The following BCL2L11 variants were observed in gnomAD, a reference collection of about 807,000 sequenced individuals.
BCL2L11 encodes bcl-2-like protein 11.
In BCL2L11, 15 loss-of-function variants were observed where a neutral mutation model predicts 20.6. That is an observed-to-expected ratio of 0.73 (90% CI 0.49 to 1.12). The LOEUF is 1.12. BCL2L11 is among the 50% of genes most tolerant of loss of function. The pLI, the probability that BCL2L11 is intolerant of heterozygous loss-of-function variation, is 0.00. For synonymous variants in BCL2L11, 108 were observed against 92.8 expected (o/e 1.16, Z -0.94); for missense variants, 292 against 260.9 (o/e 1.12, Z -0.82).
chr2:111,128,774 C>T (rs2073248102), intron 2 of BCL2L11: 1 of 1,539,002 alleles, frequency 6.5e-7, no homozygotes, highest in African/African-American at 1.4e-5. Context: ...GCCACAGCCA[C>T]CTCTCTCCCT....
intron 2 of BCL2L11, among the ~76,000 whole-genome samples, chr2:111,129,259 G>A (rs1019527635): frequency 2.6e-5 from 4 of 152,156 alleles, no homozygotes; most frequent in African/African-American, 9.7e-5. Flanking sequence ...AGGTGTCTTC[G>A]AGGGAGTCCC....
At chr2:111,143,182 T>A (rs2076079735) in intron 2 of BCL2L11, among the ~76,000 whole-genome samples, 1 of 152,180 alleles carries the variant, frequency 6.6e-6, no homozygotes, top group African/African-American at 2.4e-5. Flanking sequence ...AATGGAGCTG[T>A]GGCTGTCGCA....
At chr2:111,160,411 C>T (rs2078413691) in intron 3 of BCL2L11, among the ~76,000 whole-genome samples, 1 of 152,236 alleles carries the variant, frequency 6.6e-6, no homozygotes, top group South Asian at 2.1e-4. Context: ...GTCAGGCCCC[C>T]CACCTGATGC....
intron 3 of BCL2L11, among the ~76,000 whole-genome samples, chr2:111,153,386 A>T (rs972790241): frequency 6.6e-6 from 1 of 152,140 alleles, no homozygotes; most frequent in Non-Finnish European, 1.5e-5. Context: ...AAAAAAAAAA[A>T]TAGTTCAAAA....
chr2:111,143,616 C>T (rs528625497), intron 2 of BCL2L11, among the ~76,000 whole-genome samples: 257 of 152,262 alleles, frequency 1.7e-3, no homozygotes, highest in Non-Finnish European at 3.2e-3. Context: ...TGCATCTGTC[C>T]CAGGAAGCGG....
At chr2:111,160,313 CCTTA>C (rs1206869696) in intron 3 of BCL2L11, among the ~76,000 whole-genome samples, 2 of 152,182 alleles carry the variant, frequency 1.3e-5, no homozygotes, top group African/African-American at 4.8e-5. Context: ...TCTGTATTGT[CCTTA>C]CTTTATTATC....
chr2:111,156,497 T>C (rs2077870518), intron 3 of BCL2L11, among the ~76,000 whole-genome samples: 1 of 152,200 alleles, frequency 6.6e-6, no homozygotes, highest in African/African-American at 2.4e-5. Context: ...AGCCTTTCTT[T>C]CCTGTCTTAG....
At chr2:111,129,773 TTC>T (rs1471917439) in intron 2 of BCL2L11, among the ~76,000 whole-genome samples, 1 of 152,228 alleles carries the variant, frequency 6.6e-6, no homozygotes, top group Non-Finnish European at 1.5e-5. Flanking sequence ...ACAGCCACCT[TTC>T]TGTCTCTTCC....
chr2:111,150,160 T>C lies in BCL2L11; in HGVS notation c.498+13T>C, dbSNP rs1337819928. ...CTATGCAAGGAGGGTAATGATGTTT[T>C]CTTTACCCGCTTTTCTGCTCACACC... On this transcript the variant is annotated intron_variant, in intron 3 of 3. Transcript: ENST00000393256. The C allele has an allele frequency of 6.2e-7, 1 of 1,612,738 alleles. No individual in the cohort carries two copies. Among genetic ancestry groups the C allele is most frequent in the South Asian group, 1.1e-5 (1 of 90,960 alleles).
At position 111,142,454 on chromosome 2, in the gene BCL2L11, T is replaced by A. The variant is rs1328284216; in HGVS notation, c.395-7590T>A. Reference sequence around the variant, plus strand: ...AGAAGCAGCTGCCTTTTGTGACTTTTAAGTGAGAAGCTTTCATTATGTCTT... The same window carrying A: ...AGAAGCAGCTGCCTTTTGTGACTTTAAAGTGAGAAGCTTTCATTATGTCTT... On this transcript the variant is annotated intron_variant, in intron 2 of 3. Coordinates refer to ENST00000393256, the MANE Select transcript of BCL2L11 (RefSeq NM_138621.5). The A allele has an allele frequency of 3.9e-6, 5 of 1,286,144 alleles. No homozygotes were observed. The East Asian group carries it at 1.0e-4, about 26-fold the overall frequency. The allele number at this position is 1,286,144 out of a possible 1,614,324, so 79.7% of individuals were successfully genotyped here. A position where few individuals can be genotyped will look rare whatever the true frequency, so the allele number is the denominator to read the frequency against.
At chr2:111,161,574 G>A (rs1383246127) in intron 3 of BCL2L11, 2 of 1,524,706 alleles carry the variant, frequency 1.3e-6, no homozygotes, top group African/African-American at 1.4e-5. Flanking sequence ...CTTAGCCCAT[G>A]TTAGATGCGA....
intron 2 of BCL2L11, among the ~76,000 whole-genome samples, chr2:111,138,270 A>G (rs746053495): frequency 1.3e-5 from 2 of 152,036 alleles, no homozygotes; most frequent in South Asian, 2.1e-4. Context: ...CGGCCTCCCA[A>G]AGTGCTGAGA....
rs2076661671 is a variant in BCL2L11, at chr2:111,147,342, T to TCACACACA, written c.395-2701_395-2700insACACACAC. Reference sequence around the variant, plus strand: ...AGCCTCCTGTATCTCTCTCTCTCTCTCTCTCACACACACACACACACACAC... The same window carrying TCACACACA: ...AGCCTCCTGTATCTCTCTCTCTCTCTCACACACACTCTCACACACACACACACACACAC... On this transcript the variant is annotated intron_variant, in intron 2 of 3. Transcript: ENST00000393256. Among the ~76,000 whole-genome samples, 3 of 133,556 alleles carry TCACACACA rather than the reference T, an allele frequency of 2.2e-5. No homozygotes were observed. The Admixed American group carries it at 2.3e-4, about 10-fold the overall frequency. The allele number at this position is 133,556 out of a possible 152,430, so 87.6% of individuals were successfully genotyped here. A position where few individuals can be genotyped will look rare whatever the true frequency, so the allele number is the denominator to read the frequency against.
chr2:111,128,788 C>T, intron 2 of BCL2L11: 1 of 1,527,194 alleles, frequency 6.5e-7, no homozygotes, highest in South Asian at 1.3e-5. Context: ...TCTCCCTCTT[C>T]CTTGAGCATT....
chr2:111,165,183 A>G lies in BCL2L11; in HGVS notation c.*952A>G, dbSNP rs1237271206. On this transcript the variant is annotated 3_prime_UTR_variant, in exon 4 of 4. Transcript: ENST00000393256. Reference sequence around the variant, plus strand: ...AGTATTCTGAAGAGGCAATAGCAGTAATAACAACAGACTTAAGTGCTACGC... The same window carrying G: ...AGTATTCTGAAGAGGCAATAGCAGTGATAACAACAGACTTAAGTGCTACGC... 6.6e-6 allele frequency: 1 copy of G among 152,262 alleles called. No homozygotes were observed. Among genetic ancestry groups the G allele is most frequent in the Middle Eastern group, 3.1e-3 (1 of 318 alleles). 9.4% of individuals were successfully genotyped at this position (152,262 alleles called of 1,614,324 possible). A position where few individuals can be genotyped will look rare whatever the true frequency, so the allele number is the denominator to read the frequency against.
At chr2:111,149,985 A>G in intron 2 of BCL2L11, 59 bp from the exon 3 acceptor site, 2 of 1,485,028 alleles carry the variant, frequency 1.3e-6, no homozygotes, top group Non-Finnish European at 1.9e-6. Context: ...TATCTTTGGA[A>G]CTTTCCCAGT....
intron 2 of BCL2L11, among the ~76,000 whole-genome samples, chr2:111,141,480 C>T (rs2075800630): frequency 7.6e-6 from 1 of 131,540 alleles, no homozygotes. Context: ...CACATGGACA[C>T]AGGAAGGGGA....
At chr2:111,130,407 C>A (rs1446955189) in intron 2 of BCL2L11, among the ~76,000 whole-genome samples, 1 of 152,194 alleles carries the variant, frequency 6.6e-6, no homozygotes, top group Non-Finnish European at 1.5e-5. Context: ...CCTGGCCCTA[C>A]TTTTAGCATC....
intron 2 of BCL2L11, among the ~76,000 whole-genome samples, chr2:111,129,484 GA>G (rs1294291594): frequency 1.3e-5 from 2 of 152,028 alleles, no homozygotes; most frequent in Admixed American, 6.6e-5. Flanking sequence ...GCATTTATAG[GA>G]AATAATACAA....
Sources: gnomAD v4.1 joint callset for allele counts (sites outside exome capture counted in the v4.1 genomes callset) on GRCh38, gnomAD v4.1.1 for gene constraint, MANE v1.5 for transcripts, NCBI Gene and HGNC (gene_info 2026-07-23, HGNC 2026-07-21) for gene names.